LTBP1: variants seen among roughly 807,000 people sequenced by gnomAD.
LTBP1 encodes the protein latent transforming growth factor beta binding protein 1.
LTBP1 carries 129 observed loss-of-function variants against 207.6 expected under a neutral mutation model. That is an observed-to-expected ratio of 0.62 (90% CI 0.54 to 0.72). The LOEUF is 0.72. Among genes scored for constraint, LTBP1 ranks in the 30% least tolerant of loss-of-function variants. LTBP1 has a pLI of 0.00. For synonymous variants in LTBP1, 963 were observed against 833.7 expected, an observed-to-expected ratio of 1.16 and a Z score of -2.67; for missense variants, 2,281 against 2,217.2, an observed-to-expected ratio of 1.03 and a Z score of -0.58.
chr2:33,073,417 T>C (rs1010570667), intron 3 of LTBP1, among the ~76,000 whole-genome samples: 8 of 152,296 alleles, frequency 5.3e-5, no homozygotes, highest in African/African-American at 1.7e-4. Flanking sequence ...ATATTGTATT[T>C]AAATAGGAAA....
At chr2:33,138,790 C>T (rs1572811961) in intron 5 of LTBP1, among the ~76,000 whole-genome samples, 2 of 143,040 alleles carry the variant, frequency 1.4e-5, no homozygotes, top group Non-Finnish European at 3.0e-5. Context: ...GACTCATGTT[C>T]TATTAGCACC....
At chr2:33,373,124 A>G (rs1211764642) in intron 31 of LTBP1, among the ~76,000 whole-genome samples, 1 of 152,210 alleles carries the variant, frequency 6.6e-6, no homozygotes. Flanking sequence ...AAACGGGACA[A>G]CTAGTGTGTT....
At chr2:33,212,261 G>A (rs946068520) in intron 7 of LTBP1, among the ~76,000 whole-genome samples, 2 of 152,160 alleles carry the variant, frequency 1.3e-5, no homozygotes, top group African/African-American at 4.8e-5. Flanking sequence ...ATCAAGGCTG[G>A]GAGTAGCTTT....
intron 5 of LTBP1, among the ~76,000 whole-genome samples, chr2:33,161,009 TG>T (rs2084416270): frequency 1.3e-5 from 2 of 152,212 alleles, no homozygotes; most frequent in Non-Finnish European, 2.9e-5. Flanking sequence ...TGGGACAATG[TG>T]TACACTTTGG....
intron 20 of LTBP1, among the ~76,000 whole-genome samples, chr2:33,299,780 C>T (rs1426496272): frequency 1.3e-5 from 2 of 152,176 alleles, no homozygotes; most frequent in African/African-American, 2.4e-5. Context: ...TGTATAACTT[C>T]GTATACATGA....
At chr2:33,056,577 C>T (rs1027582430) in intron 3 of LTBP1, 12 of 401,138 alleles carry the variant, frequency 3.0e-5, no homozygotes, top group African/African-American at 1.5e-4. Flanking sequence ...AGTGAAGCCG[C>T]GGACCCTCGC....
At chr2:33,372,977 T>G (rs1478892131) in intron 31 of LTBP1, among the ~76,000 whole-genome samples, 1 of 152,198 alleles carries the variant, frequency 6.6e-6, no homozygotes, top group Non-Finnish European at 1.5e-5. Flanking sequence ...TGAAAGAAAA[T>G]TATACATATT....
chr2:33,203,697 T>C (rs866975047), intron 7 of LTBP1, among the ~76,000 whole-genome samples: 1 of 152,218 alleles, frequency 6.6e-6, no homozygotes, highest in Admixed American at 6.5e-5. Context: ...CCATATTTTA[T>C]ACCTCTAGGG....
At chr2:33,126,467 A>G (rs1239698082) in intron 4 of LTBP1, among the ~76,000 whole-genome samples, 1 of 152,208 alleles carries the variant, frequency 6.6e-6, no homozygotes, top group East Asian at 1.9e-4. Flanking sequence ...GAATTTGTGG[A>G]CATATTTTAA....
chr2:33,257,200 A>G, intron 11 of LTBP1, 84 bp from the exon 12 acceptor site: 3 of 962,768 alleles, frequency 3.1e-6, no homozygotes, highest in Non-Finnish European at 4.9e-6. Context: ...TGATTTATTA[A>G]GAGCTATTCA....
chr2:33,185,555 C>G (rs938789242), intron 5 of LTBP1, among the ~76,000 whole-genome samples: 2 of 152,060 alleles, frequency 1.3e-5, no homozygotes, highest in Admixed American at 6.5e-5. Context: ...AAGACCAAAC[C>G]TTAACACACA....
At chr2:33,044,517 A>G (rs1272174852) in intron 3 of LTBP1, among the ~76,000 whole-genome samples, 2 of 152,168 alleles carry the variant, frequency 1.3e-5, no homozygotes, top group Non-Finnish European at 2.9e-5. Flanking sequence ...TCTATCATTG[A>G]TGAGCATTTG....
chr2:33,199,288 T>C (rs2088934281), intron 7 of LTBP1, among the ~76,000 whole-genome samples: 1 of 152,224 alleles, frequency 6.6e-6, no homozygotes, highest in Non-Finnish European at 1.5e-5. Context: ...TTCTGTTCTT[T>C]TACATTTGCC....
chr2:33,135,781 G>C (rs4670893), intron 5 of LTBP1, among the ~76,000 whole-genome samples: 116,037 of 152,170 alleles, frequency 0.76, 44,611 homozygotes, highest in East Asian at 0.99. Flanking sequence ...TATTTTTGTC[G>C]CAGAAAAATG....
At chr2:33,051,926 T>C (rs987493251) in intron 3 of LTBP1, among the ~76,000 whole-genome samples, 2 of 152,250 alleles carry the variant, frequency 1.3e-5, no homozygotes, top group African/African-American at 2.4e-5. Flanking sequence ...ACAGTCTCTT[T>C]AAAAGTTTTA....
chr2:33,356,038 C>A (rs1157986520), intron 26 of LTBP1, among the ~76,000 whole-genome samples: 1 of 151,840 alleles, frequency 6.6e-6, no homozygotes, highest in Non-Finnish European at 1.5e-5. Context: ...CTAGGTTCTG[C>A]AGCTCACTGC....
chr2:33,389,305 C>A lies in LTBP1; in HGVS notation c.4833C>A (p.Asp1611Glu). 6.2e-7 allele frequency: 1 copy of A among 1,614,102 alleles called. No individual in the cohort carries two copies. Among genetic ancestry groups the A allele is most frequent in the Non-Finnish European group, 8.5e-7 (1 of 1,179,984 alleles). The change falls in exon 32 of 34, where the codon GAC becomes GAA. Residue 1611 changes from aspartate (D) to glutamate (E), a missense_variant and splice_region_variant. Around this residue, in one of 3 missense-constraint regions of LTBP1, gnomAD observed 1,671 missense variants for 1,634.8 expected, o/e 1.02. Transcript: ENST00000404816. ...AAGCCGATCCCTACTTCATCCAAGACCGTAAGCAAAATAACCTTGTTCCTT... is the reference window on the plus strand; with the variant it reads ...AAGCCGATCCCTACTTCATCCAAGAACGTAAGCAAAATAACCTTGTTCCTT... ...TPEADPYFIQ[D>E]RFLNSFEELQ... is the part of the protein sequence containing the mutation.
intron 2 of LTBP1, among the ~76,000 whole-genome samples, chr2:32,975,545 C>T (rs1056753715): frequency 2.9e-5 from 4 of 135,994 alleles, no homozygotes; most frequent in Non-Finnish European, 6.2e-5. Context: ...GGTCCCTTCA[C>T]ATAATCCCAT....
At position 32,947,660 on chromosome 2, in the gene LTBP1, G is replaced by C; in HGVS notation, c.336G>C (p.Ala112=). The change falls in exon 1 of 34, where the codon GCG becomes GCC. Residue 112 remains alanine, a synonymous_variant. Transcript: ENST00000404816. The part of the protein sequence containing the change: ...PPPPPEPARP[A]VPGGQLHPNP... ...CGCCGCCGGAGCCTGCGCGTCCCGC[G>C]GTCCCCGGCGGGCAGCTCCACCCCA... The C allele has an allele frequency of 7.0e-7, 1 of 1,419,738 alleles. No homozygotes were observed. Among genetic ancestry groups the C allele is most frequent in the Non-Finnish European group, 9.2e-7 (1 of 1,083,042 alleles). The allele number at this position is 1,419,738 out of a possible 1,614,324, so 87.9% of individuals were successfully genotyped here.
Sources: gnomAD v4.1 joint callset for allele counts (sites outside exome capture counted in the v4.1 genomes callset) on GRCh38, gnomAD v4.1.1 for gene constraint, gnomAD v4.1.1 regional missense constraint, MANE v1.5 for transcripts, NCBI Gene and HGNC (gene_info 2026-07-23, HGNC 2026-07-21) for gene names.